The following PGBD5 variants were observed in gnomAD, a reference collection of about 807,000 sequenced individuals.
PGBD5 encodes the protein piggyBac transposable element-derived protein 5.
In PGBD5, 14 loss-of-function variants were observed where a neutral mutation model predicts 47.9. The observed-to-expected ratio is 0.29, with a 90% CI of 0.19 to 0.46. The LOEUF is 0.46. Ranked by LOEUF, PGBD5 falls within the 20% of genes least tolerant of loss-of-function variation. The probability of loss-of-function intolerance (pLI) is 1.00; values close to 1 mark genes in which losing one functional copy is unlikely to be tolerated. For missense variants in PGBD5, 635 were observed against 716.0 expected (o/e 0.89, Z 1.29); for synonymous variants, 316 against 306.3 (o/e 1.03, Z -0.33).
At chr1:230,369,332 A>G (rs1667892490) in intron 1 of PGBD5, among the ~76,000 whole-genome samples, 2 of 152,234 alleles carry the variant, frequency 1.3e-5, no homozygotes, top group Admixed American at 1.3e-4. Flanking sequence ...CCACACCTAT[A>G]AGACAGGCTC....
intron 2 of PGBD5, among the ~76,000 whole-genome samples, chr1:230,353,555 G>A (rs1667590205): frequency 6.6e-6 from 1 of 152,186 alleles, no homozygotes; most frequent in African/African-American, 2.4e-5. Context: ...TTGCAGGCTG[G>A]AGGGTGCGAG....
intron 1 of PGBD5, among the ~76,000 whole-genome samples, chr1:230,375,746 CT>C (rs1668001801): frequency 7.0e-6 from 1 of 142,220 alleles, no homozygotes; most frequent in South Asian, 2.3e-4. Flanking sequence ...CAGAAGAGAG[CT>C]TTTTTCTTCC....
At chr1:230,414,425 A>T (rs956609869) in intron 1 of PGBD5, among the ~76,000 whole-genome samples, 1 of 152,090 alleles carries the variant, frequency 6.6e-6, no homozygotes, top group Non-Finnish European at 1.5e-5. Flanking sequence ...AAATTTACCT[A>T]ATCTTTTTCA....
At chr1:230,347,585 T>G (rs1478730595) in intron 3 of PGBD5, among the ~76,000 whole-genome samples, 1 of 146,924 alleles carries the variant, frequency 6.8e-6, no homozygotes. Flanking sequence ...GTTCAAGCAA[T>G]TCTCCTGCCT....
intron 1 of PGBD5, among the ~76,000 whole-genome samples, chr1:230,401,838 G>A (rs1277297462): frequency 6.6e-6 from 1 of 152,108 alleles, no homozygotes; most frequent in Non-Finnish European, 1.5e-5. Flanking sequence ...CTCCCCATAC[G>A]ACACACCTCC....
At chr1:230,419,764 G>A (rs1488878515) in intron 1 of PGBD5, among the ~76,000 whole-genome samples, 3 of 152,142 alleles carry the variant, frequency 2.0e-5, no homozygotes, top group Non-Finnish European at 2.9e-5. Context: ...TTTAAAATAC[G>A]CAAAATCCTT....
At chr1:230,398,403 T>C in intron 1 of PGBD5, among the ~76,000 whole-genome samples, 1 of 144,610 alleles carries the variant, frequency 6.9e-6, no homozygotes, top group Admixed American at 7.2e-5. Flanking sequence ...TGTCCTCCTC[T>C]CTTCTTACTG....
In PGBD5 at chr1:230,379,372, C is replaced by T. The variant is rs930488892; in HGVS notation, c.332-22051G>A. On this transcript the variant is annotated intron_variant, in intron 1 of 6. Coordinates refer to ENST00000391860, the MANE Select transcript of PGBD5 (RefSeq NM_001258311.2). ...GTCCCATCTGCCCATTCCAGGATGC[C>T]GGCTCTCCACCAGGTCCCCTCAGGA... Among the ~76,000 whole-genome samples, 14 of 152,148 alleles carry T rather than the reference C, an allele frequency of 9.2e-5. 1 individual carries two copies. Among genetic ancestry groups the T allele is most frequent in the South Asian group, 6.2e-4 (3 of 4,826 alleles).
chr1:230,331,319 G>A (rs377236499), intron 5 of PGBD5, among the ~76,000 whole-genome samples: 1 of 152,260 alleles, frequency 6.6e-6, no homozygotes, highest in South Asian at 2.1e-4. Flanking sequence ...GGGAGGCTGA[G>A]GTGGGAGATT....
intron 1 of PGBD5, among the ~76,000 whole-genome samples, chr1:230,358,507 T>G (rs1031571280): frequency 1.3e-5 from 2 of 152,152 alleles, no homozygotes; most frequent in African/African-American, 4.8e-5. Flanking sequence ...TGAAGGGGCT[T>G]ATTCATATAA....
At chr1:230,390,350 T>C (rs1053871482) in intron 1 of PGBD5, among the ~76,000 whole-genome samples, 1 of 152,062 alleles carries the variant, frequency 6.6e-6, no homozygotes, top group East Asian at 1.9e-4. Flanking sequence ...ACACCCTCCT[T>C]AGAATCACCA....
At chr1:230,351,164 C>T in intron 2 of PGBD5, 72 bp from the exon 3 acceptor site, 1 of 1,470,438 alleles carries the variant, frequency 6.8e-7, no homozygotes, top group East Asian at 2.5e-5. Flanking sequence ...GATTGGAGCT[C>T]AAATTCAGCC....
At chr1:230,353,685 C>A (rs886863796) in intron 2 of PGBD5, among the ~76,000 whole-genome samples, 7 of 152,146 alleles carry the variant, frequency 4.6e-5, no homozygotes, top group Non-Finnish European at 8.8e-5. Flanking sequence ...ACACACACAC[C>A]TGATGAGGGC....
At chr1:230,333,154 T>C in intron 4 of PGBD5, 113 bp from the exon 5 acceptor site, 1 of 1,134,274 alleles carries the variant, frequency 8.8e-7, no homozygotes, top group Non-Finnish European at 1.2e-6. Context: ...CTGAGGCTGA[T>C]GCTTGGGAGT....
At chr1:230,392,684 G>A (rs270855) in intron 1 of PGBD5, among the ~76,000 whole-genome samples, 79,500 of 151,846 alleles carry the variant, frequency 0.52, 21,529 homozygotes, top group Non-Finnish European at 0.59. Context: ...CTCCACACCC[G>A]CTCCTCAGCA....
chr1:230,402,502 T>C (rs1571860940), intron 1 of PGBD5, among the ~76,000 whole-genome samples: 1 of 152,242 alleles, frequency 6.6e-6, no homozygotes, highest in South Asian at 2.1e-4. Context: ...GAGAGCTCAC[T>C]GTTGGGGGAG....
chr1:230,416,309 A>C (rs1657511801), intron 1 of PGBD5, among the ~76,000 whole-genome samples: 2 of 152,102 alleles, frequency 1.3e-5, no homozygotes, highest in Admixed American at 1.3e-4. Context: ...ACTATTTTGG[A>C]TGTTGGAAAT....
chr1:230,350,427 G>T (rs1372106908), intron 3 of PGBD5, among the ~76,000 whole-genome samples: 3 of 152,220 alleles, frequency 2.0e-5, no homozygotes, highest in Non-Finnish European at 4.4e-5. Context: ...TATGACTCGG[G>T]CACGTGCTCC....
rs185969333 is a variant in PGBD5 at position 230,362,935 on chromosome 1, G to A, written c.332-5614C>T. ...GGAGGCCTGAGTGGGTGGGTGGGAC[G>A]AGTGGTGAAAGTACAGTGGGCACAC... On this transcript the variant is annotated intron_variant, in intron 1 of 6. Coordinates refer to ENST00000391860, the MANE Select transcript of PGBD5 (RefSeq NM_001258311.2). Among the ~76,000 whole-genome samples the A allele has an allele frequency of 3.0e-4, 45 of 152,224 alleles. No individual in the cohort carries two copies. The East Asian group carries it at 4.7e-3, about 16-fold the overall frequency.
Sources: allele counts gnomAD v4.1 joint callset (sites outside exome capture counted in the v4.1 genomes callset), GRCh38; gene constraint gnomAD v4.1.1; transcripts MANE v1.5; gene names NCBI Gene and HGNC (gene_info 2026-07-23, HGNC 2026-07-21).